ALG10B: variants seen among roughly 807,000 people sequenced by gnomAD.
ALG10B encodes the protein dol-P-Glc:Glc(2)Man(9)GlcNAc(2)-PP-Dol alpha-1,2-glucosyltransferase B.
In ALG10B, 27 loss-of-function variants were observed where a neutral mutation model predicts 38.7. That is an observed-to-expected ratio of 0.70 (90% CI 0.51 to 0.96). The LOEUF (loss-of-function observed/expected upper bound fraction) is 0.96. ALG10B is among the 40% of genes least tolerant of loss of function. ALG10B has a pLI of 0.00. For synonymous variants in ALG10B, 177 were observed against 193.3 expected (o/e 0.92, Z 0.70); for missense variants, 522 against 542.7 (o/e 0.96, Z 0.38).
In ALG10B at chr12:38,321,592, A is replaced by C; in HGVS notation, c.*379A>C. 1 of 154,818 alleles carries C rather than the reference A, an allele frequency of 6.5e-6. No individual in the cohort carries two copies. Among genetic ancestry groups the C allele is most frequent in the South Asian group, 2.1e-4 (1 of 4,856 alleles). 9.6% of individuals were successfully genotyped at this position (154,818 alleles called of 1,614,324 possible). A position where few individuals can be genotyped will look rare whatever the true frequency, so the allele number is the denominator to read the frequency against. ...GAGAGAACTATTAGGTTAGTGCAAA[A>C]GTAATTGTGGTTTTTGCCATTGAAA... is the stretch of plus-strand genomic sequence containing the variant. On this transcript the variant is annotated 3_prime_UTR_variant, in exon 3 of 3. Transcript: ENST00000308742.
Position 38,324,153 on chromosome 12 carries a change from C to T in ALG10B, c.*2940C>T, listed in dbSNP as rs568745935. 8.3e-6 allele frequency: 4 copies of T among 481,730 alleles called. No homozygotes were observed. The highest frequency in any genetic ancestry group is 1.5e-5 in the Non-Finnish European group (4 of 271,508). The allele number at this position is 481,730 out of a possible 1,614,324, so 29.8% of individuals were successfully genotyped here. On this transcript the variant is annotated 3_prime_UTR_variant, in exon 3 of 3. Coordinates refer to ENST00000308742, the MANE Select transcript of ALG10B (RefSeq NM_001013620.4). ...GTTCAAGCAGTTCTCCTGCCTCAGC[C>T]TCCCGAGTAGCTGAGATTATAGGCG... is the stretch of plus-strand genomic sequence containing the variant.
At chr12:38,317,116 G>T in intron 1 of ALG10B, 52 bp downstream of exon 1, 5 of 1,611,988 alleles carry the variant, frequency 3.1e-6, no homozygotes, top group Non-Finnish European at 4.2e-6. Flanking sequence ...AGGTCCCAGC[G>T]TCCCCAGCTC....
intron 1 of ALG10B, 34 bp from the exon 2 acceptor site, chr12:38,318,227 T>C (rs1945672750): frequency 6.2e-7 from 1 of 1,611,404 alleles, no homozygotes. Context: ...TCGTATTACC[T>C]CTTGCTTTTA....
rs1945753076 is a variant in ALG10B, at chr12:38,327,245, A to G, written c.*6032A>G. The stretch of plus-strand genomic sequence containing the variant: ...AAAGTGCTAGGATTTACAATGAGCC[A>G]CTGTGCCAGCTTCCAACAAGAAAAA... On this transcript the variant is annotated 3_prime_UTR_variant, in exon 3 of 3. Transcript: ENST00000308742. 6.6e-6 allele frequency: 1 copy of G among 151,826 alleles called. No individual in the cohort carries two copies. The highest frequency in any genetic ancestry group is 1.5e-5 in the Non-Finnish European group (1 of 67,974). 9.4% of individuals were successfully genotyped at this position (151,826 alleles called of 1,614,324 possible).
chr12:38,323,218 C>T lies in ALG10B; in HGVS notation c.*2005C>T, dbSNP rs1439328914. 1 of 151,870 alleles carries T rather than the reference C, an allele frequency of 6.6e-6. No individual in the cohort carries two copies. The highest frequency in any genetic ancestry group is 2.4e-5 in the African/African-American group (1 of 41,330). 9.4% of individuals were successfully genotyped at this position (151,870 alleles called of 1,614,324 possible). A position where few individuals can be genotyped will look rare whatever the true frequency, so the allele number is the denominator to read the frequency against. ...TACTGAGAGGTTAAAAAATAAGTGA[C>T]TTCTTAGGTAATATAAAGCTAAAGG... On this transcript the variant is annotated 3_prime_UTR_variant, in exon 3 of 3. Coordinates refer to ENST00000308742, the MANE Select transcript of ALG10B (RefSeq NM_001013620.4).
At chr12:38,317,128 T>C (rs530313950) in intron 1 of ALG10B, 64 bp downstream of exon 1, 1 of 1,608,954 alleles carries the variant, frequency 6.2e-7, no homozygotes, top group South Asian at 1.1e-5. Flanking sequence ...CCCCAGCTCC[T>C]TCTCCCATCT....
Position 38,316,780 on chromosome 12 carries a change from C to A in ALG10B, c.-114C>A. On this transcript the variant is annotated 5_prime_UTR_variant, in exon 1 of 3. Coordinates refer to ENST00000308742, the MANE Select transcript of ALG10B (RefSeq NM_001013620.4). ...ATCCTTTGCCTTCCGGTATGTGGCC[C>A]CGTCTGGCTAGTCCTGTCTAGCGCG... 1 of 1,569,348 alleles carries A rather than the reference C, an allele frequency of 6.4e-7. No homozygotes were observed. The highest frequency in any genetic ancestry group is 8.8e-7 in the Non-Finnish European group (1 of 1,142,638).
rs1945748457 is a variant in ALG10B, at chr12:38,326,804, A to C, written c.*5591A>C. 1 of 151,748 alleles carries C rather than the reference A, an allele frequency of 6.6e-6. No homozygotes were observed. The highest frequency in any genetic ancestry group is 1.5e-5 in the Non-Finnish European group (1 of 67,884). The allele number at this position is 151,748 out of a possible 1,614,324, so 9.4% of individuals were successfully genotyped here. On this transcript the variant is annotated 3_prime_UTR_variant, in exon 3 of 3. Coordinates refer to ENST00000308742, the MANE Select transcript of ALG10B (RefSeq NM_001013620.4). ...TATAATAAAAATAGAGATTGAGGAC[A>C]TATTTTTAACATATATCCATGAGTC...
At position 38,321,738 on chromosome 12, in the gene ALG10B, T is replaced by C. The variant is rs950863056; in HGVS notation, c.*525T>C. On this transcript the variant is annotated 3_prime_UTR_variant, in exon 3 of 3. Transcript: ENST00000308742. ...TCCTTAACATTTCAGTAAATATAAT[T>C]TTAATTCTAAGTCAAAATAGAAATG... 6.6e-6 allele frequency: 1 copy of C among 152,618 alleles called. No homozygotes were observed. The highest frequency in any genetic ancestry group is 1.5e-5 in the Non-Finnish European group (1 of 68,032). 9.5% of individuals were successfully genotyped at this position (152,618 alleles called of 1,614,324 possible).
Position 38,316,872 on chromosome 12 carries a change from G to T in ALG10B, c.-22G>T. 1 of 1,614,024 alleles carries T rather than the reference G, an allele frequency of 6.2e-7. No individual in the cohort carries two copies. Among genetic ancestry groups the T allele is most frequent in the Non-Finnish European group, 8.5e-7 (1 of 1,179,960 alleles). ...AGAATTTTCCAGGAGTGGGTTCTTG[G>T]GCAGTGGCTGTGGGAGCAGGAATGG... On this transcript the variant is annotated 5_prime_UTR_variant, in exon 1 of 3. Transcript: ENST00000308742.
Position 38,326,926 on chromosome 12 carries a change from T to G in ALG10B, c.*5713T>G, listed in dbSNP as rs986174087. On this transcript the variant is annotated 3_prime_UTR_variant, in exon 3 of 3. Transcript: ENST00000308742. ...CTCTATATTGTGCTTTTTTAAGAGA[T>G]AAATTTTTGATGAATTTAATGTTAA... 1.3e-5 allele frequency: 2 copies of G among 151,520 alleles called. No individual in the cohort carries two copies. The highest frequency in any genetic ancestry group is 6.6e-5 in the Admixed American group (1 of 15,216). The allele number at this position is 151,520 out of a possible 1,614,324, so 9.4% of individuals were successfully genotyped here. A position where few individuals can be genotyped will look rare whatever the true frequency, so the allele number is the denominator to read the frequency against.
rs1260214732 is a variant in ALG10B at position 38,321,593 on chromosome 12, G to C, written c.*380G>C. On this transcript the variant is annotated 3_prime_UTR_variant, in exon 3 of 3. Coordinates refer to ENST00000308742, the MANE Select transcript of ALG10B (RefSeq NM_001013620.4). ...AGAGAACTATTAGGTTAGTGCAAAA[G>C]TAATTGTGGTTTTTGCCATTGAAAG... 1 of 154,240 alleles carries C rather than the reference G, an allele frequency of 6.5e-6. No homozygotes were observed. The highest frequency in any genetic ancestry group is 1.4e-5 in the Non-Finnish European group (1 of 69,262). 9.6% of individuals were successfully genotyped at this position (154,240 alleles called of 1,614,324 possible). A position where few individuals can be genotyped will look rare whatever the true frequency, so the allele number is the denominator to read the frequency against.
Position 38,318,348 on chromosome 12 carries a change from G to T in ALG10B, c.259G>T (p.Glu87Ter). ...TGCCATTTGGATCTTTGCATGGTCT[G>T]AACATGTTGTCTGCTCCATTGGGAT... ...KPAIWIFAWSEHVVCSIGMLR... is the reference protein window; with the variant it reads ...KPAIWIFAWS Residue 87 changes from glutamate to a stop codon, truncating the protein, a stop_gained, in exon 2 of 3, where the codon GAA (glutamate) becomes TAA (stop). Transcript: ENST00000308742. LOFTEE classifies it high-confidence loss of function. The T allele has an allele frequency of 6.2e-7, 1 of 1,614,136 alleles. No homozygotes were observed. Among genetic ancestry groups the T allele is most frequent in the Non-Finnish European group, 8.5e-7 (1 of 1,179,980 alleles).
At chr12:38,319,815 C>T (rs1258982578) in intron 2 of ALG10B, among the ~76,000 whole-genome samples, 1 of 152,146 alleles carries the variant, frequency 6.6e-6, no homozygotes, top group East Asian at 1.9e-4. Context: ...GGAAATGGAG[C>T]CAGCATTGTG....
Position 38,317,291 on chromosome 12 carries a change from G to A in ALG10B, c.171+227G>A, listed in dbSNP as rs1464307713. 1.6e-5 allele frequency: 11 copies of A among 689,908 alleles called. No homozygotes were observed. The East Asian group carries it at 1.7e-4, about 11-fold the overall frequency. The allele number at this position is 689,908 out of a possible 1,614,324, so 42.7% of individuals were successfully genotyped here. ...TGATCCCCAGGGAGGAGTGATCTGG[G>A]AGAATACTTAGTGGGGAACTGAGCG... On this transcript the variant is annotated intron_variant, in intron 1 of 2. Transcript: ENST00000308742.
In ALG10B at chr12:38,321,378, G is replaced by A; in HGVS notation, c.*165G>A. 1.5e-6 allele frequency: 1 copy of A among 653,116 alleles called. No homozygotes were observed. Among genetic ancestry groups the A allele is most frequent in the Non-Finnish European group, 2.3e-6 (1 of 431,172 alleles). The allele number at this position is 653,116 out of a possible 1,614,324, so 40.5% of individuals were successfully genotyped here. A position where few individuals can be genotyped will look rare whatever the true frequency, so the allele number is the denominator to read the frequency against. On this transcript the variant is annotated 3_prime_UTR_variant, in exon 3 of 3. Transcript: ENST00000308742. Reference sequence around the variant, plus strand: ...ATTTTAAACATATGTAAGAAATTAAGTGGCAAAGAACTGGGAAAGCTTAAG... The same window carrying A: ...ATTTTAAACATATGTAAGAAATTAAATGGCAAAGAACTGGGAAAGCTTAAG...
chr12:38,316,923 G>C lies in ALG10B; in HGVS notation c.30G>C (p.Ser10=). 6.2e-7 allele frequency: 1 copy of C among 1,614,118 alleles called. No individual in the cohort carries two copies. Among genetic ancestry groups the C allele is most frequent in the East Asian group, 2.2e-5 (1 of 44,866 alleles). Reference sequence around the variant, plus strand: ...CGCAGCTAGAGGGTTACTGTTTCTCGGCCGCCTTGAGCTGTACCTTTTTAG... The same window carrying C: ...CGCAGCTAGAGGGTTACTGTTTCTCCGCCGCCTTGAGCTGTACCTTTTTAG... MAQLEGYCF[S]AALSCTFLVS... Residue 10 remains serine, a synonymous_variant, in exon 1 of 3, where the codon TCG becomes TCC. Coordinates refer to ENST00000308742, the MANE Select transcript of ALG10B (RefSeq NM_001013620.4).
rs144238652 is a variant in ALG10B at position 38,318,399 on chromosome 12, A to G, written c.310A>G (p.Ser104Gly). 4.3e-6 allele frequency: 7 copies of G among 1,614,026 alleles called. No individual in the cohort carries two copies. The African/African-American group carries it at 6.7e-5, about 15-fold the overall frequency. The change falls in exon 2 of 3, where the codon AGT (serine) becomes GGT (glycine). Residue 104 changes from serine to glycine, a missense_variant. Physicochemically the swap from Ser to Gly is moderately conservative, Grantham distance 56. Coordinates refer to ENST00000308742, the MANE Select transcript of ALG10B (RefSeq NM_001013620.4). ...GMLRFVNLLF[S>G]VGNFYLLYLL... ...GCTCAGATTTGTTAATCTTCTCTTC[A>G]GTGTTGGCAACTTCTATTTACTATA...
Position 38,317,034 on chromosome 12 carries a change from C to T in ALG10B, c.141C>T (p.Arg47=). The T allele has an allele frequency of 6.2e-7, 1 of 1,614,160 alleles. No homozygotes were observed. Among genetic ancestry groups the T allele is most frequent in the African/African-American group, 1.3e-5 (1 of 75,032 alleles). Residue 47 remains arginine (R), a synonymous_variant, in exon 1 of 3, where the codon CGC becomes CGT. Transcript: ENST00000308742. The part of the protein sequence containing the change: ...DEIFHLPQAQ[R]YCEGHFSLSQ... Reference sequence around the variant, plus strand: ...TCTTCCACCTGCCTCAGGCGCAGCGCTACTGTGAGGGCCATTTCTCCCTTT... The same window carrying T: ...TCTTCCACCTGCCTCAGGCGCAGCGTTACTGTGAGGGCCATTTCTCCCTTT...
Sources: allele counts gnomAD v4.1 joint callset (sites outside exome capture counted in the v4.1 genomes callset), GRCh38; gene constraint gnomAD v4.1.1; transcripts MANE v1.5; gene names NCBI Gene and HGNC (gene_info 2026-07-23, HGNC 2026-07-21).